Variants in GOLGA5 observed in about 807,000 individuals in gnomAD.
GOLGA5 encodes golgin subfamily A member 5.
Under a neutral mutation model 93.5 loss-of-function variants are expected in GOLGA5, and 50 were observed. The observed-to-expected ratio is 0.53, with a 90% confidence interval of 0.43 to 0.68. GOLGA5 has a LOEUF of 0.68. Ranked by LOEUF, GOLGA5 falls within the 30% of genes least tolerant of loss-of-function variation. The pLI is 0.00. For synonymous variants in GOLGA5, 312 were observed against 304.5 expected (o/e 1.02, Z -0.26); for missense variants, 760 against 856.4 (o/e 0.89, Z 1.40).
At chr14:92,812,899 A>C (rs1392202636) in intron 6 of GOLGA5, among the ~76,000 whole-genome samples, 1 of 152,078 alleles carries the variant, frequency 6.6e-6, no homozygotes, top group African/African-American at 2.4e-5. Context: ...TCTGCTTCTA[A>C]TAGCCGCCTG....
chr14:92,800,116 A>T (rs1884837042), intron 2 of GOLGA5, among the ~76,000 whole-genome samples: 1 of 152,242 alleles, frequency 6.6e-6, no homozygotes, highest in African/African-American at 2.4e-5. Context: ...ATTTCTTCTC[A>T]GCTATCTTTC....
chr14:92,812,556 C>G (rs1406477292), intron 6 of GOLGA5, among the ~76,000 whole-genome samples: 1 of 152,204 alleles, frequency 6.6e-6, no homozygotes, highest in Non-Finnish European at 1.5e-5. Context: ...TTCTGTAGAA[C>G]TTGTTAACTC....
intron 8 of GOLGA5, among the ~76,000 whole-genome samples, chr14:92,821,341 C>T (rs1885313641): frequency 6.6e-6 from 1 of 152,098 alleles, no homozygotes; most frequent in Non-Finnish European, 1.5e-5. Context: ...AATTATATTT[C>T]ATTGTTCAAT....
chr14:92,829,956 G>T (rs1027710937), intron 9 of GOLGA5, among the ~76,000 whole-genome samples: 11 of 152,086 alleles, frequency 7.2e-5, no homozygotes, highest in African/African-American at 2.7e-4. Context: ...CAACATCAAG[G>T]CAAGACTCTC....
chr14:92,809,601 C>T, intron 4 of GOLGA5, 82 bp downstream of exon 4: 2 of 830,390 alleles, frequency 2.4e-6, no homozygotes, highest in Non-Finnish European at 3.9e-6. Context: ...ACTTAGCTTT[C>T]TTGGAAATTT....
chr14:92,837,233 A>G (rs1000532377), intron 11 of GOLGA5, among the ~76,000 whole-genome samples, 153 bp from the exon 12 acceptor site: 2 of 152,204 alleles, frequency 1.3e-5, no homozygotes, highest in Non-Finnish European at 2.9e-5. Context: ...GTAATCATTT[A>G]ACAGTCTGCT....
chr14:92,810,171 A>C, intron 4 of GOLGA5, 83 bp from the exon 5 acceptor site: 1 of 932,778 alleles, frequency 1.1e-6, no homozygotes, highest in Non-Finnish European at 1.7e-6. Context: ...TGCTTGACTA[A>C]AGCTGACGCT....
chr14:92,821,222 A>G (rs1162870249), intron 8 of GOLGA5, among the ~76,000 whole-genome samples: 1 of 152,238 alleles, frequency 6.6e-6, no homozygotes, highest in Non-Finnish European at 1.5e-5. Flanking sequence ...TAGGAACAGC[A>G]GTAAATATTA....
chr14:92,799,731 G>A (rs1181224647), intron 2 of GOLGA5, among the ~76,000 whole-genome samples: 2 of 151,940 alleles, frequency 1.3e-5, no homozygotes, highest in African/African-American at 2.4e-5. Context: ...TCAGCCTCCC[G>A]AGTAGCTGGG....
Position 92,811,533 on chromosome 14 carries a change from T to TATCATTTATCATAAATTA in GOLGA5, c.1117-16_1117-15insCATTTATCATAAATTAAT. ...AGCTAAATGATATCATTAATTATGA[T>TATCATTTATCATAAATTA]ATAAAAATTTGTCACAGAGCGAGTT... On this transcript the variant is annotated splice_polypyrimidine_tract_variant and intron_variant, in intron 5 of 12. Coordinates refer to ENST00000163416, the MANE Select transcript of GOLGA5 (RefSeq NM_005113.4). 1 of 1,478,808 alleles carries TATCATTTATCATAAATTA rather than the reference T, an allele frequency of 6.8e-7. No individual in the cohort carries two copies. The highest frequency in any genetic ancestry group is 9.5e-7 in the Non-Finnish European group (1 of 1,057,268). 91.6% of individuals were successfully genotyped at this position (1,478,808 alleles called of 1,614,324 possible). A position where few individuals can be genotyped will look rare whatever the true frequency, so the allele number is the denominator to read the frequency against.
intron 9 of GOLGA5, among the ~76,000 whole-genome samples, chr14:92,825,385 C>T (rs1285465305): frequency 3.9e-5 from 6 of 152,200 alleles, no homozygotes; most frequent in Non-Finnish European, 7.3e-5. Context: ...GAACAGCTCA[C>T]TGATTTGAGC....
At chr14:92,812,574 C>T (rs1885124942) in intron 6 of GOLGA5, among the ~76,000 whole-genome samples, 1 of 152,150 alleles carries the variant, frequency 6.6e-6, no homozygotes, top group Non-Finnish European at 1.5e-5. Flanking sequence ...CTCTTATCTC[C>T]TTCTTTTCCT....
At chr14:92,799,018 G>C (rs544514783) in intron 2 of GOLGA5, among the ~76,000 whole-genome samples, 1 of 152,136 alleles carries the variant, frequency 6.6e-6, no homozygotes, top group South Asian at 2.1e-4. Flanking sequence ...CGAGGCTTAA[G>C]TGCCGTGATG....
intron 12 of GOLGA5, among the ~76,000 whole-genome samples, chr14:92,838,752 G>A (rs560108126): frequency 6.6e-6 from 1 of 152,208 alleles, no homozygotes; most frequent in South Asian, 2.1e-4. Flanking sequence ...TGCCCCAGAG[G>A]GGTTGATTTC....
chr14:92,831,466 C>G (rs1054019177), intron 9 of GOLGA5, among the ~76,000 whole-genome samples: 9 of 151,942 alleles, frequency 5.9e-5, no homozygotes, highest in African/African-American at 2.2e-4. Flanking sequence ...CTGTGTGATT[C>G]CACTCAGGAA....
intron 8 of GOLGA5, among the ~76,000 whole-genome samples, chr14:92,821,543 C>A (rs1885317086): frequency 6.6e-6 from 1 of 152,142 alleles, no homozygotes; most frequent in Non-Finnish European, 1.5e-5. Flanking sequence ...TTCCTACTCA[C>A]AAGTAAATCA....
At chr14:92,801,462 A>G (rs1056200091) in intron 2 of GOLGA5, among the ~76,000 whole-genome samples, 2 of 152,150 alleles carry the variant, frequency 1.3e-5, no homozygotes, top group Non-Finnish European at 1.5e-5. Flanking sequence ...TTTTTTATCA[A>G]CTTTTTTCTG....
At chr14:92,825,594 T>C (rs1447460262) in intron 9 of GOLGA5, among the ~76,000 whole-genome samples, 2 of 152,142 alleles carry the variant, frequency 1.3e-5, no homozygotes, top group African/African-American at 4.8e-5. Context: ...GGTGAGGTAG[T>C]TCATGCTTGA....
chr14:92,809,663 G>A, intron 4 of GOLGA5, 144 bp downstream of exon 4: 1 of 643,762 alleles, frequency 1.6e-6, no homozygotes, highest in South Asian at 1.9e-5. Flanking sequence ...TGATTAAAAT[G>A]GATTCATTGG....
Sources: allele counts gnomAD v4.1 joint callset (sites outside exome capture counted in the v4.1 genomes callset), GRCh38; gene constraint gnomAD v4.1.1; transcripts MANE v1.5; gene names NCBI Gene and HGNC (gene_info 2026-07-23, HGNC 2026-07-21).